Variants in ABCC12 observed in about 807,000 individuals in gnomAD.
ABCC12 encodes the protein ATP-binding cassette sub-family C member 12.
In ABCC12, 142 loss-of-function variants were observed where a neutral mutation model predicts 151.1. The observed-to-expected ratio is 0.94, with a 90% CI of 0.82 to 1.08. ABCC12 has a LOEUF of 1.08. ABCC12 is among the 50% of genes least tolerant of loss of function. The pLI is 0.00. For missense variants in ABCC12, 1,638 were observed against 1,691.1 expected (o/e 0.97, Z 0.55); for synonymous variants, 645 against 646.4 (o/e 1.00, Z 0.03).
intron 15 of ABCC12, among the ~76,000 whole-genome samples, chr16:48,114,215 T>G (rs576850586): frequency 1.5e-4 from 23 of 152,274 alleles, no homozygotes; most frequent in Non-Finnish European, 2.6e-4. Context: ...TGGAGCTTAT[T>G]CCGGGACCAG....
chr16:48,091,981 A>C (rs1373067538), intron 24 of ABCC12, among the ~76,000 whole-genome samples: 1 of 152,178 alleles, frequency 6.6e-6, no homozygotes, highest in African/African-American at 2.4e-5. Flanking sequence ...AGGAGAAGTC[A>C]CCGAGGAGAA....
At chr16:48,133,581 T>C (rs571499215) in intron 9 of ABCC12, 106 bp downstream of exon 9, 12 of 1,351,526 alleles carry the variant, frequency 8.9e-6, no homozygotes, top group Admixed American at 2.4e-5. Flanking sequence ...CCTGCCATGA[T>C]TGGATGTTCC....
intron 29 of ABCC12, 47 bp downstream of exon 29, chr16:48,085,546 C>A: frequency 3.2e-6 from 5 of 1,548,180 alleles, no homozygotes; most frequent in Non-Finnish European, 4.5e-6. Flanking sequence ...AGTGGCGCTG[C>A]GGGAAATATC....
intron 28 of ABCC12, 39 bp downstream of exon 28, chr16:48,086,702 T>C (rs1381960737): frequency 1.3e-6 from 2 of 1,561,618 alleles, no homozygotes; most frequent in African/African-American, 1.4e-5. Context: ...GCAGTGGTGC[T>C]GGGAAACAAA....
intron 15 of ABCC12, among the ~76,000 whole-genome samples, chr16:48,113,017 G>A (rs1963753230): frequency 6.6e-6 from 1 of 152,094 alleles, no homozygotes; most frequent in East Asian, 1.9e-4. Flanking sequence ...GATCAAGGAA[G>A]CTCCCTCCTA....
rs1963282675 is a variant in ABCC12, at chr16:48,100,902, G to T, written c.3008C>A (p.Ala1003Asp). Residue 1003 changes from alanine to aspartate, a missense_variant, in exon 23 of 31, where the codon GCC becomes GAC. Transcript: ENST00000311303. ...GATGCAGCTCTCCTTCTTGCCATAGGCGTGAATGATGCCCAGGCCCTGCAT... is the reference window on the plus strand; with the variant it reads ...GATGCAGCTCTCCTTCTTGCCATAGTCGTGAATGATGCCCAGGCCCTGCAT... ...SSMQGLGIIH[A>D]YGKKESCITY... The T allele has an allele frequency of 1.2e-6, 2 of 1,614,090 alleles. No individual in the cohort carries two copies. Among genetic ancestry groups the T allele is most frequent in the African/African-American group, 1.3e-5 (1 of 74,942 alleles).
intron 8 of ABCC12, among the ~76,000 whole-genome samples, chr16:48,134,639 C>T (rs1216331810): frequency 6.6e-6 from 1 of 152,130 alleles, no homozygotes; most frequent in Non-Finnish European, 1.5e-5. Context: ...GCCCAAAGGC[C>T]GGATCCAACA....
intron 27 of ABCC12, chr16:48,087,123 C>T (rs1962648079): frequency 6.4e-6 from 2 of 313,256 alleles, no homozygotes; most frequent in Non-Finnish European, 1.2e-5. Context: ...CTCTCAGCAG[C>T]CCCGAGTAGC....
chr16:48,151,631 T>A (rs1037543377), intron 2 of ABCC12, among the ~76,000 whole-genome samples: 37 of 152,342 alleles, frequency 2.4e-4, no homozygotes, highest in Non-Finnish European at 5.1e-4. Context: ...CTTTGCAATT[T>A]TTTTTGTAAA....
chr16:48,118,881 G>A (rs1198070704), intron 13 of ABCC12, among the ~76,000 whole-genome samples: 1 of 152,220 alleles, frequency 6.6e-6, no homozygotes, highest in Non-Finnish European at 1.5e-5. Flanking sequence ...ATAAAATTGT[G>A]CAAACAACTA....
chr16:48,092,948 G>A (rs1397968452), intron 24 of ABCC12, among the ~76,000 whole-genome samples: 2 of 152,208 alleles, frequency 1.3e-5, no homozygotes. Flanking sequence ...AACGCTATGG[G>A]TGCAGACCCT....
chr16:48,141,985 G>T (rs1321713522), intron 4 of ABCC12, among the ~76,000 whole-genome samples: 2 of 152,222 alleles, frequency 1.3e-5, no homozygotes, highest in African/African-American at 4.8e-5. Flanking sequence ...GCAGGAGATT[G>T]TCAGCCTCCA....
intron 9 of ABCC12, among the ~76,000 whole-genome samples, chr16:48,132,313 T>C (rs1368542307): frequency 6.6e-6 from 1 of 152,048 alleles, no homozygotes; most frequent in Non-Finnish European, 1.5e-5. Flanking sequence ...GCATGAGTGA[T>C]TGCCTGCTGA....
In ABCC12 at chr16:48,133,740, C is replaced by G. The variant is rs374634800; in HGVS notation, c.1075G>C (p.Val359Leu). The stretch of plus-strand genomic sequence containing the variant: ...AGGATGTGGCAGGATAATGTCAGCA[C>G]GATGGCTATGGTGGACACGATGGGG... Reference protein sequence around the residue: ...LAPIVSTIAIVLTLSCHILLR... With the variant: ...LAPIVSTIAILLTLSCHILLR... Residue 359 changes from valine to leucine, a missense_variant, in exon 9 of 31, where the codon GTG becomes CTG. By Grantham distance (32) the Val-to-Leu change is conservative. Transcript: ENST00000311303. The G allele has an allele frequency of 6.2e-7, 1 of 1,614,102 alleles. No individual in the cohort carries two copies. Among genetic ancestry groups the G allele is most frequent in the Non-Finnish European group, 8.5e-7 (1 of 1,180,014 alleles).
intron 2 of ABCC12, among the ~76,000 whole-genome samples, chr16:48,152,795 G>A (rs969410830): frequency 2.0e-5 from 3 of 152,156 alleles, no homozygotes; most frequent in Admixed American, 6.5e-5. Context: ...GAACCCAAAG[G>A]AGCTTTCTAC....
chr16:48,089,070 G>A (rs78381957), intron 25 of ABCC12, among the ~76,000 whole-genome samples: 3,393 of 152,302 alleles, frequency 0.022, 58 homozygotes, highest in Non-Finnish European at 0.034. Flanking sequence ...GTGCTGGGAG[G>A]ATGTCAGCTA....
chr16:48,091,697 C>T (rs1469183570), intron 24 of ABCC12, among the ~76,000 whole-genome samples: 1 of 152,228 alleles, frequency 6.6e-6, no homozygotes, highest in Non-Finnish European at 1.5e-5. Context: ...AAAGTCAAGG[C>T]TCAGACTGGG....
At chr16:48,126,427 G>A (rs183457819) in intron 11 of ABCC12, among the ~76,000 whole-genome samples, 3 of 152,238 alleles carry the variant, frequency 2.0e-5, no homozygotes, top group Non-Finnish European at 2.9e-5. Flanking sequence ...AAAAAACCCT[G>A]ACCCCATGGA....
intron 11 of ABCC12, among the ~76,000 whole-genome samples, chr16:48,126,927 G>A (rs554036944): frequency 6.6e-6 from 1 of 152,286 alleles, no homozygotes; most frequent in South Asian, 2.1e-4. Flanking sequence ...AGCGTCCTTA[G>A]AACACGGGAA....
Sources: gnomAD v4.1 joint callset for allele counts (sites outside exome capture counted in the v4.1 genomes callset) on GRCh38, gnomAD v4.1.1 for gene constraint, MANE v1.5 for transcripts, NCBI Gene and HGNC (gene_info 2026-07-23, HGNC 2026-07-21) for gene names.